The following RTL4 variants were observed in gnomAD, a reference collection of about 807,000 sequenced individuals.
RTL4 encodes the protein retrotransposon Gag-like protein 4.
In RTL4, 4 loss-of-function variants were observed where a neutral mutation model predicts 5.3. The observed-to-expected ratio is 0.75, with a 90% CI of 0.37 to 1.72. The LOEUF (loss-of-function observed/expected upper bound fraction) is 1.72. Among genes scored for constraint, RTL4 ranks in the 40% most tolerant of loss-of-function variants. The pLI, the probability that RTL4 is intolerant of heterozygous loss-of-function variation, is 0.04. For synonymous variants in RTL4, 98 were observed against 87.3 expected, an observed-to-expected ratio of 1.12 and a Z score of -0.68; for missense variants, 260 against 227.1, an observed-to-expected ratio of 1.14 and a Z score of -0.93.
chrX:112,110,810 A>G, the RTL4 span, among the ~76,000 whole-genome samples: 1 of 111,885 alleles, frequency 8.9e-6, no homozygotes, highest in South Asian at 3.8e-4. Flanking sequence ...TTGAATACCC[A>G]TTGTGTCTTT....
At chrX:112,170,541 G>T in the RTL4 span, among the ~76,000 whole-genome samples, 4 of 111,166 alleles carry the variant, frequency 3.6e-5, no homozygotes, top group East Asian at 1.1e-3. Flanking sequence ...TCATAATTTG[G>T]CTGTCTGCAT....
chrX:112,170,167 T>C, the RTL4 span, among the ~76,000 whole-genome samples: 1 of 112,227 alleles, frequency 8.9e-6, no homozygotes, highest in East Asian at 2.8e-4. Context: ...TGTAGCCTTG[T>C]AGTATAGTTT....
the RTL4 span, among the ~76,000 whole-genome samples, chrX:112,133,272 C>T: frequency 2.7e-5 from 3 of 111,809 alleles, no homozygotes; most frequent in Non-Finnish European, 5.6e-5. Flanking sequence ...TAGTGTAAAT[C>T]TTCGTTTCAG....
the RTL4 span, among the ~76,000 whole-genome samples, chrX:112,428,401 T>C: frequency 8.9e-6 from 1 of 112,309 alleles, no homozygotes; most frequent in Non-Finnish European, 1.9e-5. Context: ...TCTGAAGATG[T>C]CCTCTTTGAC....
chrX:112,428,750 G>A, the RTL4 span, among the ~76,000 whole-genome samples: 1 of 109,856 alleles, frequency 9.1e-6, no homozygotes, highest in South Asian at 4.2e-4. Context: ...AGATAGAAAT[G>A]TTAAAGTCTC....
At chrX:112,124,411 G>T in the RTL4 span, among the ~76,000 whole-genome samples, 7 of 111,555 alleles carry the variant, frequency 6.3e-5, no homozygotes, top group African/African-American at 2.3e-4. Flanking sequence ...CACAGTCATG[G>T]AACCAACCCA....
At chrX:112,175,004 A>T in the RTL4 span, among the ~76,000 whole-genome samples, 1 of 71,339 alleles carries the variant, frequency 1.4e-5, no homozygotes, top group African/African-American at 4.8e-5. Context: ...AGTAGGTTGC[A>T]AAAATTTTCT....
chrX:112,271,049 GA>G, the RTL4 span, among the ~76,000 whole-genome samples: 5,634 of 60,827 alleles, frequency 0.093, 409 homozygotes, highest in African/African-American at 0.27. Flanking sequence ...CCTGGAGACA[GA>G]AAAAAAAAAA....
the RTL4 span, among the ~76,000 whole-genome samples, chrX:112,396,307 T>C: frequency 9.0e-6 from 1 of 111,550 alleles, no homozygotes; most frequent in African/African-American, 3.3e-5. Context: ...CACTACCCAC[T>C]ACCAAGGCAT....
chrX:112,291,905 C>G, the RTL4 span, among the ~76,000 whole-genome samples: 2 of 110,632 alleles, frequency 1.8e-5, no homozygotes, highest in Non-Finnish European at 3.8e-5. Flanking sequence ...TAGACACCCT[C>G]TAGTTCTACC....
At chrX:112,414,456 T>G in the RTL4 span, among the ~76,000 whole-genome samples, 1 of 111,835 alleles carries the variant, frequency 8.9e-6, no homozygotes, top group Non-Finnish European at 1.9e-5. Flanking sequence ...GTATTGCTTT[T>G]ACAGTTATTC....
the RTL4 span, among the ~76,000 whole-genome samples, chrX:112,222,602 TCATGTCTGTGATC>T: frequency 3.6e-5 from 4 of 109,946 alleles, no homozygotes; most frequent in Non-Finnish European, 7.6e-5. Flanking sequence ...GTGTGGTGAT[TCATGTCTGTGATC>T]CTAGCTGCTC....
chrX:112,336,570 T>A, the RTL4 span, among the ~76,000 whole-genome samples: 2 of 112,267 alleles, frequency 1.8e-5, no homozygotes, highest in Non-Finnish European at 3.8e-5. Context: ...TTTTTTGTTC[T>A]AAAACCGTAC....
the RTL4 span, among the ~76,000 whole-genome samples, chrX:112,277,008 A>T: frequency 2.7e-5 from 3 of 111,999 alleles, no homozygotes; most frequent in Non-Finnish European, 5.6e-5. Flanking sequence ...GTTTCTTATG[A>T]TTATCCCTGT....
the RTL4 span, among the ~76,000 whole-genome samples, chrX:112,352,204 C>A: frequency 1.8e-5 from 2 of 111,581 alleles, no homozygotes; most frequent in African/African-American, 6.5e-5. Flanking sequence ...CCCCCACTCT[C>A]TTCTGGCTTG....
At chrX:112,426,410 C>T in the RTL4 span, among the ~76,000 whole-genome samples, 2 of 111,816 alleles carry the variant, frequency 1.8e-5, no homozygotes, top group Non-Finnish European at 3.8e-5. Context: ...AGCCACTAAA[C>T]AGCTTGCTAT....
At chrX:112,178,008 G>C in the RTL4 span, among the ~76,000 whole-genome samples, 1 of 109,049 alleles carries the variant, frequency 9.2e-6, no homozygotes, top group East Asian at 2.9e-4. Context: ...GGCCTGTAAG[G>C]CTGCAGTTTG....
At chrX:112,103,558 C>T in the RTL4 span, among the ~76,000 whole-genome samples, 3 of 108,999 alleles carry the variant, frequency 2.8e-5, no homozygotes, top group Non-Finnish European at 5.7e-5. Context: ...GCACATCCTA[C>T]ACATGTACCC....
the RTL4 span, among the ~76,000 whole-genome samples, chrX:112,156,935 G>GT: frequency 9.0e-6 from 1 of 110,977 alleles, no homozygotes; most frequent in Non-Finnish European, 1.9e-5. Context: ...AAGAAGAGAG[G>GT]TTTGATAAAA....
Sources: allele counts gnomAD v4.1 joint callset (sites outside exome capture counted in the v4.1 genomes callset), GRCh38; gene constraint gnomAD v4.1.1; transcripts MANE v1.5; gene names NCBI Gene and HGNC (gene_info 2026-07-23, HGNC 2026-07-21).